VAT1L: variants seen among roughly 807,000 people sequenced by gnomAD.
The protein encoded by VAT1L is vesicle amine transport 1 like.
Under a neutral mutation model 44.1 loss-of-function variants are expected in VAT1L, and 34 were observed. That is an observed-to-expected ratio of 0.77 (90% CI 0.59 to 1.03). The LOEUF (loss-of-function observed/expected upper bound fraction) is 1.03, where lower values mean the gene tolerates loss of function less well. Ranked by LOEUF, VAT1L falls within the 50% of genes least tolerant of loss-of-function variation. The pLI, the probability that VAT1L is intolerant of heterozygous loss-of-function variation, is 0.00. For synonymous variants in VAT1L, 253 were observed against 202.2 expected (o/e 1.25, Z -2.13); for missense variants, 615 against 538.8 (o/e 1.14, Z -1.40).
At chr16:77,825,193 T>G in intron 2 of VAT1L, 53 bp from the exon 3 acceptor site, 69 of 1,598,184 alleles carry the variant, frequency 4.3e-5, no homozygotes, top group Non-Finnish European at 5.0e-5. Flanking sequence ...GTTCTCTCCT[T>G]GAGCCTCTGT....
chr16:77,839,454 T>A (rs373581329), intron 3 of VAT1L, among the ~76,000 whole-genome samples: 6 of 137,980 alleles, frequency 4.3e-5, no homozygotes, highest in African/African-American at 1.7e-4. Context: ...GAGAATGGTG[T>A]GAACCTGGGA....
chr16:77,856,432 C>G (rs1210186372), intron 3 of VAT1L, among the ~76,000 whole-genome samples: 2 of 152,152 alleles, frequency 1.3e-5, no homozygotes, highest in Non-Finnish European at 2.9e-5. Context: ...TGGGCCCCAT[C>G]CCAATCTCAA....
chr16:77,896,291 TC>T (rs1296489449), intron 7 of VAT1L, among the ~76,000 whole-genome samples: 2 of 152,134 alleles, frequency 1.3e-5, no homozygotes, highest in Admixed American at 6.5e-5. Context: ...TGTCGACTCT[TC>T]CGTAAAACCA....
chr16:77,807,695 C>T (rs2016188546), intron 1 of VAT1L, among the ~76,000 whole-genome samples: 1 of 152,096 alleles, frequency 6.6e-6, no homozygotes, highest in Non-Finnish European at 1.5e-5. Flanking sequence ...GGATAGCAAG[C>T]TTATATCTGT....
chr16:77,949,944 G>A (rs762843100), intron 7 of VAT1L, among the ~76,000 whole-genome samples: 33 of 152,320 alleles, frequency 2.2e-4, no homozygotes, highest in Middle Eastern at 6.8e-3. Context: ...TACTTACACA[G>A]CTTCTAATGA....
intron 7 of VAT1L, among the ~76,000 whole-genome samples, chr16:77,921,740 T>G (rs1356390234): frequency 6.6e-6 from 1 of 152,158 alleles, no homozygotes; most frequent in Non-Finnish European, 1.5e-5. Context: ...TCAAGGAAAC[T>G]TGTACACTTT....
At position 77,884,720 on chromosome 16, in the gene VAT1L, G is replaced by C. The variant is rs143077114; in HGVS notation, c.995G>C (p.Arg332Pro). 56 of 1,606,628 alleles carry C rather than the reference G, an allele frequency of 3.5e-5. No homozygotes were observed. Among genetic ancestry groups the C allele is most frequent in the Non-Finnish European group, 4.5e-5 (53 of 1,176,506 alleles). The part of the protein sequence containing the change: ...LFKQGRAGLI[R>P]GVVEKLIGLY... ...AAACAAGGCCGGGCGGGCCTCATTC[G>C]GGGAGTGGTGGAAAAACTCATAGGG... Residue 332 changes from arginine to proline, a missense_variant, in exon 7 of 9, where the codon CGG becomes CCG. Arg to Pro is a moderately radical substitution (Grantham distance 103, BLOSUM62 -2). Transcript: ENST00000302536. This position sits in a 1 kb window ranked among gnomAD's most constrained non-coding sequence, Gnocchi z 4.5.
intron 7 of VAT1L, among the ~76,000 whole-genome samples, chr16:77,942,180 C>A (rs2017893584): frequency 6.6e-6 from 1 of 152,156 alleles, no homozygotes; most frequent in Non-Finnish European, 1.5e-5. Flanking sequence ...GGAGGTCTCA[C>A]AATCATGGTG....
intron 4 of VAT1L, among the ~76,000 whole-genome samples, chr16:77,866,848 T>C (rs1016263589): frequency 6.6e-6 from 1 of 152,166 alleles, no homozygotes; most frequent in African/African-American, 2.4e-5. Flanking sequence ...GAGTTGTGTG[T>C]ACCTAACTGC....
chr16:77,947,701 T>G (rs542817299), intron 7 of VAT1L, among the ~76,000 whole-genome samples: 1 of 152,332 alleles, frequency 6.6e-6, no homozygotes, highest in African/African-American at 2.4e-5. Flanking sequence ...TTCAGTCCTT[T>G]CAGAACTCTG....
intron 3 of VAT1L, among the ~76,000 whole-genome samples, chr16:77,832,604 G>A (rs567541885): frequency 1.3e-5 from 2 of 152,278 alleles, no homozygotes; most frequent in East Asian, 1.9e-4. Context: ...CCACAGCCTG[G>A]GCTGGACCAT....
chr16:77,841,480 A>T lies in VAT1L; in HGVS notation c.579+16019A>T, dbSNP rs180681200. Among the ~76,000 whole-genome samples the T allele has an allele frequency of 3.3e-4, 51 of 152,310 alleles. No homozygotes were observed. The East Asian group carries it at 9.7e-3, about 29-fold the overall frequency. ...TATTTCCTCCTTGTTGACCCATTAC[A>T]CATGACAGATTGTCACCCTCCTAAT... On this transcript the variant is annotated intron_variant, in intron 3 of 8. Coordinates refer to ENST00000302536, the MANE Select transcript of VAT1L (RefSeq NM_020927.3).
intron 3 of VAT1L, among the ~76,000 whole-genome samples, chr16:77,834,196 T>C (rs1241579170): frequency 1.3e-5 from 2 of 152,154 alleles, no homozygotes; most frequent in Non-Finnish European, 2.9e-5. Flanking sequence ...TGCCTTCCTT[T>C]CTCTTTCTCT....
At chr16:77,921,507 A>C (rs2017611691) in intron 7 of VAT1L, among the ~76,000 whole-genome samples, 1 of 152,144 alleles carries the variant, frequency 6.6e-6, no homozygotes, top group South Asian at 2.1e-4. Context: ...CAGATCCTTT[A>C]ATTAGTTACA....
At chr16:77,903,651 C>G (rs569630593) in intron 7 of VAT1L, among the ~76,000 whole-genome samples, 2 of 149,608 alleles carry the variant, frequency 1.3e-5, no homozygotes, top group African/African-American at 4.9e-5. Context: ...TGGGTGTTTT[C>G]TATTTTTAGA....
chr16:77,851,162 A>T (rs973994914), intron 3 of VAT1L, among the ~76,000 whole-genome samples: 2 of 152,238 alleles, frequency 1.3e-5, no homozygotes, highest in Admixed American at 6.5e-5. Context: ...GGCAACAGAT[A>T]CTAGCCCGTC....
chr16:77,872,991 A>C (rs924484886), intron 4 of VAT1L, among the ~76,000 whole-genome samples: 5 of 152,216 alleles, frequency 3.3e-5, no homozygotes, highest in African/African-American at 1.2e-4. Flanking sequence ...CTTTTGGTCT[A>C]GATGTTTGAT....
chr16:77,797,161 G>A (rs551475257), intron 1 of VAT1L, among the ~76,000 whole-genome samples: 19 of 151,648 alleles, frequency 1.3e-4, no homozygotes, highest in African/African-American at 4.6e-4. Context: ...ACCCAGGCTG[G>A]AGTGCAATGG....
At chr16:77,796,524 G>C (rs563544181) in intron 1 of VAT1L, among the ~76,000 whole-genome samples, 5 of 152,358 alleles carry the variant, frequency 3.3e-5, no homozygotes, top group African/African-American at 9.6e-5. Context: ...CACTGTGGCT[G>C]TGTGATCTTA....
Sources: allele counts gnomAD v4.1 joint callset (sites outside exome capture counted in the v4.1 genomes callset), GRCh38; gene constraint gnomAD v4.1.1; non-coding constraint Gnocchi (gnomAD v3.1); transcripts MANE v1.5; gene names NCBI Gene and HGNC (gene_info 2026-07-23, HGNC 2026-07-21).